Variants in HERC2 observed in about 807,000 individuals in gnomAD.
HERC2 encodes HECT and RLD domain containing E3 ubiquitin protein ligase 2, also known as E3 ubiquitin-protein ligase HERC2.
A neutral mutation model predicts 537.7 loss-of-function variants in HERC2; 102 were observed. The observed-to-expected ratio is 0.19, with a 90% CI of 0.16 to 0.22. The LOEUF is 0.22. Ranked by LOEUF, HERC2 falls within the 10% of genes least tolerant of loss-of-function variation. HERC2 has a pLI of 1.00. For synonymous variants in HERC2, 2,224 were observed against 2,466.2 expected (o/e 0.90, Z 2.91); for missense variants, 4,236 against 6,198.2 (o/e 0.68, Z 10.63).
chr15:28,233,788 C>T lies in HERC2; in HGVS notation c.4227G>A (p.Leu1409=), dbSNP rs748477391. 2.1e-5 allele frequency: 34 copies of T among 1,612,076 alleles called. No individual in the cohort carries two copies. Among genetic ancestry groups the T allele is most frequent in the Non-Finnish European group, 2.3e-5 (27 of 1,179,756 alleles). The change falls in exon 28 of 93, where the codon TTG becomes TTA. Residue 1409 remains leucine (L), a synonymous_variant. Transcript: ENST00000261609. Reference sequence around the variant, plus strand: ...GCCTACAGTACCTTTCTATTTGACACAAAAAGTCCTGCAACAGAAACAGCT... The same window carrying T: ...GCCTACAGTACCTTTCTATTTGACATAAAAAGTCCTGCAACAGAAACAGCT... ...NIQDHNVKDF[L]CQIERYCRQC... is the part of the protein sequence containing the mutation.
At chr15:28,145,516 C>A (rs1273002752) in intron 71 of HERC2, among the ~76,000 whole-genome samples, 1 of 152,234 alleles carries the variant, frequency 6.6e-6, no homozygotes, top group Non-Finnish European at 1.5e-5. Context: ...GAAAAACCCA[C>A]GCCCACTGGG....
Position 28,113,568 on chromosome 15 carries a change from C to T in HERC2, c.14019+5G>A. 1 of 1,613,122 alleles carries T rather than the reference C, an allele frequency of 6.2e-7. No homozygotes were observed. ...CAGGGCAGCCCCACCTGGGGGTCGG[C>T]ATACCATCGTCTCCAGTTCGTAGCC... On this transcript the variant is annotated splice_donor_5th_base_variant and intron_variant, in intron 91 of 92. Coordinates refer to ENST00000261609, the MANE Select transcript of HERC2 (RefSeq NM_004667.6). This position sits in a 1 kb window ranked among gnomAD's most constrained non-coding sequence, Gnocchi z 7.0.
chr15:28,152,500 T>G (rs1371189572), intron 70 of HERC2, among the ~76,000 whole-genome samples, 177 bp downstream of exon 70: 1 of 152,244 alleles, frequency 6.6e-6, no homozygotes, highest in Non-Finnish European at 1.5e-5. Flanking sequence ...ACTTTCTATA[T>G]CATGATTTAT....
chr15:28,259,237 G>A (rs1223117857), intron 16 of HERC2, among the ~76,000 whole-genome samples: 1 of 152,044 alleles, frequency 6.6e-6, no homozygotes, highest in East Asian at 1.9e-4. Context: ...TGGGATTACA[G>A]GCGCACATCA....
chr15:28,236,742 C>T (rs1389382994), intron 26 of HERC2, among the ~76,000 whole-genome samples: 1 of 152,056 alleles, frequency 6.6e-6, no homozygotes, highest in East Asian at 1.9e-4. Flanking sequence ...TACGTGCCAA[C>T]ATGCCTGGCT....
At chr15:28,155,783 A>G (rs1892948072) in intron 69 of HERC2, among the ~76,000 whole-genome samples, 1 of 151,980 alleles carries the variant, frequency 6.6e-6, no homozygotes, top group Non-Finnish European at 1.5e-5. Context: ...CCCATTTGTC[A>G]ATTTTGGCTT....
chr15:28,311,343 T>C (rs2076939813), intron 2 of HERC2, among the ~76,000 whole-genome samples: 2 of 152,272 alleles, frequency 1.3e-5, no homozygotes, highest in Admixed American at 1.3e-4. Context: ...TACGCACCTG[T>C]AGTCCCACTA....
intron 45 of HERC2, among the ~76,000 whole-genome samples, chr15:28,204,953 T>C (rs1898260320): frequency 6.6e-6 from 1 of 152,096 alleles, no homozygotes; most frequent in Non-Finnish European, 1.5e-5. Context: ...AGTCAAAAGT[T>C]TCCAAATTTG....
chr15:28,179,062 C>G (rs1160407668), intron 58 of HERC2, 32 bp from the exon 59 acceptor site: 1 of 1,608,870 alleles, frequency 6.2e-7, no homozygotes, highest in Non-Finnish European at 8.5e-7. Flanking sequence ...AGAGGACTCT[C>G]TTTTCACAAC....
intron 75 of HERC2, among the ~76,000 whole-genome samples, 183 bp downstream of exon 75, chr15:28,142,644 C>G (rs1486903958): frequency 6.6e-6 from 1 of 152,170 alleles, no homozygotes; most frequent in Admixed American, 6.5e-5. Context: ...CTAACGGTTA[C>G]AGGCTTATGG....
intron 78 of HERC2, among the ~76,000 whole-genome samples, chr15:28,140,659 T>C (rs909026091): frequency 6.6e-6 from 1 of 151,780 alleles, no homozygotes; most frequent in Non-Finnish European, 1.5e-5. Flanking sequence ...GTAGCTGGGA[T>C]TACAGGCACA....
At position 28,271,665 on chromosome 15, in the gene HERC2, T is replaced by C. The variant is rs1233141883; in HGVS notation, c.1083+550A>G. ...GCCTGGGCGACAGAGCAAGACTCCA[T>C]CTAAGGAAAAAAAAAAGACTGCCAA... On this transcript the variant is annotated intron_variant, in intron 9 of 92. Coordinates refer to ENST00000261609, the MANE Select transcript of HERC2 (RefSeq NM_004667.6). Among the ~76,000 whole-genome samples the C allele has an allele frequency of 3.3e-5, 5 of 150,516 alleles. No individual in the cohort carries two copies. The East Asian group carries it at 9.8e-4, about 29-fold the overall frequency.
At chr15:28,214,401 C>T in intron 40 of HERC2, 129 bp from the exon 41 acceptor site, 3 of 968,264 alleles carry the variant, frequency 3.1e-6, no homozygotes, top group South Asian at 2.7e-5. Context: ...AGGGAGACGG[C>T]CATGCACCTC....
chr15:28,166,853 T>C (rs1349854204), intron 68 of HERC2, among the ~76,000 whole-genome samples: 1 of 152,156 alleles, frequency 6.6e-6, no homozygotes, highest in Non-Finnish European at 1.5e-5. Context: ...TCCAGGACCA[T>C]TTGGGTGTCA....
At chr15:28,319,447 T>G (rs1279718556) in intron 2 of HERC2, among the ~76,000 whole-genome samples, 1 of 151,556 alleles carries the variant, frequency 6.6e-6, no homozygotes, top group Non-Finnish European at 1.5e-5. Flanking sequence ...CGGGCATGCA[T>G]GGTGGCACAC....
At chr15:28,117,488 G>C in intron 86 of HERC2, 1 of 615,234 alleles carries the variant, frequency 1.6e-6, no homozygotes, top group Non-Finnish European at 3.0e-6. Context: ...CCCTGGCACG[G>C]ACCATCCTCA....
intron 44 of HERC2, among the ~76,000 whole-genome samples, chr15:28,206,591 C>T (rs112222559): frequency 0.11 from 16,512 of 150,772 alleles, 3,001 homozygotes; most frequent in African/African-American, 0.38. Context: ...CCCTGCACTT[C>T]GGGAGGCCAA....
At chr15:28,136,058 C>A (rs1001153972) in intron 78 of HERC2, among the ~76,000 whole-genome samples, 33 of 151,446 alleles carry the variant, frequency 2.2e-4, no homozygotes, top group African/African-American at 7.0e-4. Flanking sequence ...ACAAAACATA[C>A]CCATAAAAGA....
chr15:28,171,778 A>C (rs150658264), intron 65 of HERC2, among the ~76,000 whole-genome samples: 1 of 152,316 alleles, frequency 6.6e-6, no homozygotes, highest in East Asian at 1.9e-4. Context: ...AAAGACAAGC[A>C]AAACCTATAC....
Sources: gnomAD v4.1 joint callset for allele counts (sites outside exome capture counted in the v4.1 genomes callset) on GRCh38, gnomAD v4.1.1 for gene constraint, Gnocchi (gnomAD v3.1) non-coding constraint, MANE v1.5 for transcripts, NCBI Gene and HGNC (gene_info 2026-07-23, HGNC 2026-07-21) for gene names.